PTK2: variants seen among roughly 807,000 people sequenced by gnomAD.
PTK2 encodes the protein focal adhesion kinase 1.
Under a neutral mutation model 150.1 loss-of-function variants are expected in PTK2, and 45 were observed. The ratio of observed to expected loss-of-function variants is 0.30; its 90% confidence interval spans 0.24 to 0.38. The LOEUF (loss-of-function observed/expected upper bound fraction) is 0.38, where lower values mean the gene tolerates loss of function less well. Ranked by LOEUF, PTK2 falls within the 10% of genes least tolerant of loss-of-function variation. The probability of loss-of-function intolerance (pLI) is 1.00; values close to 1 mark genes in which losing one functional copy is unlikely to be tolerated. For missense variants in PTK2, 919 were observed against 1,307.3 expected, an observed-to-expected ratio of 0.70 and a Z score of 4.58; for synonymous variants, 432 against 449.2, an observed-to-expected ratio of 0.96 and a Z score of 0.48.
chr8:140,914,172 C>CCG (rs1376242726), intron 2 of PTK2, among the ~76,000 whole-genome samples: 1 of 151,926 alleles, frequency 6.6e-6, no homozygotes, highest in East Asian at 1.9e-4. Flanking sequence ...ATTATGTGAG[C>CCG]TACGAATCAA....
chr8:140,920,888 T>TCTTGGC lies in PTK2; in HGVS notation c.-33+4767_-33+4772dup, dbSNP rs2100167126. 3 of 1,527,186 alleles carry TCTTGGC rather than the reference T, an allele frequency of 2.0e-6. No individual in the cohort carries two copies. In the South Asian group the frequency reaches 3.6e-5, roughly 18 times the overall value. The allele number at this position is 1,527,186 out of a possible 1,614,324, so 94.6% of individuals were successfully genotyped here. On this transcript the variant is annotated intron_variant, in intron 2 of 31. Transcript: ENST00000522684. ...GATGGCACCTGCTGGTTTCAGGGCCTCTTGGCCTGCCAGTTCCAACAACAT... is the reference window on the plus strand; with the variant it reads ...GATGGCACCTGCTGGTTTCAGGGCCTCTTGGCCTTGGCCTGCCAGTTCCAACAACAT...
intron 7 of PTK2, among the ~76,000 whole-genome samples, chr8:140,844,742 G>A (rs1004594118): frequency 6.6e-6 from 1 of 152,068 alleles, no homozygotes; most frequent in Non-Finnish European, 1.5e-5. Flanking sequence ...TAGAAACCAA[G>A]ATCTAAGCAC....
At chr8:140,858,384 C>T (rs1344419746) in intron 5 of PTK2, among the ~76,000 whole-genome samples, 1 of 149,926 alleles carries the variant, frequency 6.7e-6, no homozygotes, top group Non-Finnish European at 1.5e-5. Flanking sequence ...CGACATGACC[C>T]CCTAGAGGTA....
intron 1 of PTK2, among the ~76,000 whole-genome samples, chr8:140,938,513 G>C (rs1446794999): frequency 1.3e-5 from 2 of 152,126 alleles, no homozygotes; most frequent in Admixed American, 1.3e-4. Context: ...CCCAATAAAT[G>C]CTCTAGACTG....
chr8:140,954,127 G>A (rs2100180433), intron 1 of PTK2, among the ~76,000 whole-genome samples: 1 of 152,036 alleles, frequency 6.6e-6, no homozygotes, highest in Non-Finnish European at 1.5e-5. Context: ...ACAGCTGGAT[G>A]CAACATCACG....
intron 1 of PTK2, among the ~76,000 whole-genome samples, chr8:140,961,884 C>A (rs2100183319): frequency 6.6e-6 from 1 of 152,090 alleles, no homozygotes; most frequent in African/African-American, 2.4e-5. Flanking sequence ...TTCAACCATA[C>A]AACCCAACTG....
intron 2 of PTK2, among the ~76,000 whole-genome samples, chr8:140,902,938 T>TTTTTG (rs2100159247): frequency 7.3e-6 from 1 of 136,966 alleles, no homozygotes; most frequent in African/African-American, 2.8e-5. Context: ...TTTTTTTTTT[T>TTTTTG]TTTTTTTTTT....
intron 2 of PTK2, among the ~76,000 whole-genome samples, chr8:140,890,980 T>TA (rs888890433): frequency 2.9e-4 from 44 of 151,544 alleles, no homozygotes; most frequent in South Asian, 6.3e-4. Flanking sequence ...AAATATTTGT[T>TA]AAAAAAAAAT....
intron 26 of PTK2, among the ~76,000 whole-genome samples, chr8:140,691,212 C>T (rs1483206116): frequency 1.3e-5 from 2 of 150,716 alleles, no homozygotes; most frequent in African/African-American, 2.4e-5. Context: ...GGGGGTCTCA[C>T]TATGTTATCC....
intron 1 of PTK2, among the ~76,000 whole-genome samples, chr8:140,944,302 A>T (rs2100176899): frequency 6.6e-6 from 1 of 152,226 alleles, no homozygotes; most frequent in Non-Finnish European, 1.5e-5. Context: ...AACACGACTG[A>T]TACATTTTAA....
intron 23 of PTK2, among the ~76,000 whole-genome samples, chr8:140,710,345 A>G (rs929382102): frequency 1.3e-5 from 2 of 150,478 alleles, no homozygotes; most frequent in Non-Finnish European, 3.0e-5. Context: ...AAAAAAAAAA[A>G]AAAATCTGTA....
At chr8:140,822,258 G>A (rs796352608) in intron 8 of PTK2, 5 of 152,144 alleles carry the variant, frequency 3.3e-5, no homozygotes, top group African/African-American at 1.2e-4. Context: ...AATAAATTCA[G>A]AGTACAGCTG....
intron 8 of PTK2, among the ~76,000 whole-genome samples, chr8:140,825,099 A>G (rs998674022): frequency 2.0e-5 from 3 of 152,214 alleles, no homozygotes; most frequent in African/African-American, 4.8e-5. Context: ...CTGCAATAAG[A>G]GAGTTTTTAA....
At chr8:140,959,496 G>A (rs2100182346) in intron 1 of PTK2, among the ~76,000 whole-genome samples, 2 of 140,478 alleles carry the variant, frequency 1.4e-5, no homozygotes, top group South Asian at 2.2e-4. Flanking sequence ...CGGAGATCAC[G>A]ACACTGCACT....
intron 5 of PTK2, among the ~76,000 whole-genome samples, chr8:140,855,132 T>A (rs1176442573): frequency 6.6e-6 from 1 of 152,160 alleles, no homozygotes; most frequent in Non-Finnish European, 1.5e-5. Flanking sequence ...ATTCCAGGCA[T>A]GAGCCACTGC....
chr8:140,768,640 A>C (rs980525553), intron 14 of PTK2, among the ~76,000 whole-genome samples: 8 of 152,228 alleles, frequency 5.3e-5, no homozygotes, highest in Non-Finnish European at 7.3e-5. Flanking sequence ...AACAGTGAGG[A>C]CAATACCCAG....
chr8:140,994,317 G>C (rs889140229), intron 1 of PTK2, among the ~76,000 whole-genome samples: 4 of 152,132 alleles, frequency 2.6e-5, no homozygotes, highest in Non-Finnish European at 5.9e-5. Flanking sequence ...TGCAAATCAA[G>C]CTACAATTAA....
intron 14 of PTK2, 92 bp downstream of exon 15, chr8:140,770,624 T>C: frequency 2.2e-6 from 1 of 458,202 alleles, no homozygotes; most frequent in Non-Finnish European, 3.2e-6. Flanking sequence ...AGCTATGATC[T>C]GTTCAGGATA....
intron 17 of PTK2, chr8:140,752,003 T>G (rs1164371636): frequency 8.8e-6 from 6 of 680,886 alleles, no homozygotes; most frequent in South Asian, 8.4e-5. Flanking sequence ...TACCAAAGTA[T>G]AAAGTAAATG....
Sources: allele counts gnomAD v4.1 joint callset (sites outside exome capture counted in the v4.1 genomes callset), GRCh38; gene constraint gnomAD v4.1.1; transcripts MANE v1.5; gene names NCBI Gene and HGNC (gene_info 2026-07-23, HGNC 2026-07-21).